UGT1A5: variants seen among roughly 807,000 people sequenced by gnomAD.
UGT1A5 encodes the protein UDP-glucuronosyltransferase 1A5.
In UGT1A5, 29 loss-of-function variants were observed where a neutral mutation model predicts 40.3. That is an observed-to-expected ratio of 0.72 (90% CI 0.54 to 0.98). The LOEUF (loss-of-function observed/expected upper bound fraction) is 0.98, where lower values mean the gene tolerates loss of function less well. Ranked by LOEUF, UGT1A5 falls within the 50% of genes least tolerant of loss-of-function variation. UGT1A5 has a pLI of 0.00. For missense variants in UGT1A5, 678 were observed against 677.9 expected (o/e 1.00, Z 0.00); for synonymous variants, 257 against 262.5 (o/e 0.98, Z 0.20).
At chr2:233,730,016 A>C in intron 1 of UGT1A5, 1 of 1,613,836 alleles carries the variant, frequency 6.2e-7, no homozygotes. Context: ...GCCTTCATCC[A>C]ATCAATGTTC....
At chr2:233,760,151 C>T (rs1697328839) in intron 1 of UGT1A5, 1 of 1,476,036 alleles carries the variant, frequency 6.8e-7, no homozygotes, top group South Asian at 1.3e-5. Flanking sequence ...AAGTGAACTC[C>T]CTGCTACCTT....
chr2:233,723,516 CTTTTTTTTT>C (rs1162916866), intron 1 of UGT1A5, among the ~76,000 whole-genome samples: 2 of 85,406 alleles, frequency 2.3e-5, no homozygotes, highest in East Asian at 3.2e-4. Context: ...GGTCAACAAT[CTTTTTTTTT>C]TTTTTTTTTT....
At chr2:233,715,195 A>G (rs1327063054) in intron 1 of UGT1A5, among the ~76,000 whole-genome samples, 4 of 152,188 alleles carry the variant, frequency 2.6e-5, no homozygotes, top group South Asian at 2.1e-4. Context: ...CAATTTTTCT[A>G]TCTTTTAAAA....
In UGT1A5 at chr2:233,772,749, G is replaced by T. The variant is rs901299936; in HGVS notation, c.*190G>T. The T allele has an allele frequency of 1.4e-6, 2 of 1,420,114 alleles. No individual in the cohort carries two copies. The highest frequency in any genetic ancestry group is 1.8e-6 in the Non-Finnish European group (2 of 1,083,638). The allele number at this position is 1,420,114 out of a possible 1,614,324, so 88.0% of individuals were successfully genotyped here. A position where few individuals can be genotyped will look rare whatever the true frequency, so the allele number is the denominator to read the frequency against. On this transcript the variant is annotated 3_prime_UTR_variant, in exon 5 of 5. Coordinates refer to ENST00000373414, the MANE Select transcript of UGT1A5 (RefSeq NM_019078.2). ...GACTCGCTAGTCAGTAAAGATATTTGAATATGTATCGTGCCCCCTCTGGTG... is the reference window on the plus strand; with the variant it reads ...GACTCGCTAGTCAGTAAAGATATTTTAATATGTATCGTGCCCCCTCTGGTG...
chr2:233,729,412 C>T, intron 1 of UGT1A5: 2 of 1,613,700 alleles, frequency 1.2e-6, no homozygotes, highest in Non-Finnish European at 1.7e-6. Flanking sequence ...TGTGCTGGGC[C>T]ACACTCAACT....
chr2:233,772,622 C>A lies in UGT1A5; in HGVS notation c.*63C>A, dbSNP rs894885863. 5 of 1,567,432 alleles carry A rather than the reference C, an allele frequency of 3.2e-6. No homozygotes were observed. The highest frequency in any genetic ancestry group is 3.5e-6 in the Non-Finnish European group (4 of 1,155,382). ...CCCTAGTCATTTCCAAACTTGAAAA[C>A]AGAATCAGTGTTAAATTCATTTTAT... On this transcript the variant is annotated 3_prime_UTR_variant, in exon 5 of 5. Transcript: ENST00000373414.
intron 1 of UGT1A5, among the ~76,000 whole-genome samples, chr2:233,765,617 G>T (rs988431612): frequency 1.3e-5 from 2 of 151,904 alleles, no homozygotes; most frequent in African/African-American, 4.8e-5. Flanking sequence ...GGGGTGAGGG[G>T]TGAGGGGAGG....
chr2:233,757,312 G>A (rs1288195448), intron 1 of UGT1A5, among the ~76,000 whole-genome samples: 1 of 141,206 alleles, frequency 7.1e-6, no homozygotes, highest in Non-Finnish European at 1.5e-5. Context: ...GGACAGGGGG[G>A]CTGGGGCCCT....
At chr2:233,765,895 T>C (rs988320482) in intron 1 of UGT1A5, among the ~76,000 whole-genome samples, 1 of 152,066 alleles carries the variant, frequency 6.6e-6, no homozygotes, top group Non-Finnish European at 1.5e-5. Flanking sequence ...AGTGCGCCAC[T>C]GCTCAAACCT....
At chr2:233,715,608 C>T (rs944774331) in intron 1 of UGT1A5, among the ~76,000 whole-genome samples, 2 of 151,816 alleles carry the variant, frequency 1.3e-5, no homozygotes, top group Non-Finnish European at 2.9e-5. Flanking sequence ...TCCATCTCTA[C>T]AAAAAATTAA....
chr2:233,760,575 G>C, intron 1 of UGT1A5: 1 of 1,614,226 alleles, frequency 6.2e-7, no homozygotes. Flanking sequence ...TTAGTCTCGG[G>C]CATAATGTTT....
chr2:233,755,312 G>C (rs976147893), intron 1 of UGT1A5: 6 of 551,356 alleles, frequency 1.1e-5, no homozygotes, highest in Middle Eastern at 4.3e-4. Flanking sequence ...CACAGCGAGC[G>C]GCAAGGCTGC....
At chr2:233,766,924 A>T (rs985684086) in intron 1 of UGT1A5, 110 bp from the exon 2 acceptor site, 2 of 1,565,450 alleles carry the variant, frequency 1.3e-6, no homozygotes, top group East Asian at 4.5e-5. Context: ...TCAAACACGC[A>T]TGCCTTTAAT....
intron 1 of UGT1A5, chr2:233,743,329 A>G: frequency 4.0e-6 from 3 of 753,958 alleles, no homozygotes; most frequent in East Asian, 1.3e-4. Context: ...ACCATCAACT[A>G]TTTCAGTGGA....
Position 233,725,052 on chromosome 2 carries a change from C to T in UGT1A5, c.867+11194C>T, listed in dbSNP as rs575446926. ...CTCCACCAAAACCAGTCAGGCGTGG[C>T]GGCGCGCGCCTGCAATCGCAGGCAC... On this transcript the variant is annotated intron_variant, in intron 1 of 4. Coordinates refer to ENST00000373414, the MANE Select transcript of UGT1A5 (RefSeq NM_019078.2). Among the ~76,000 whole-genome samples the T allele has an allele frequency of 7.1e-4, 105 of 147,652 alleles. 7 individuals are homozygous for T. The highest frequency in any genetic ancestry group is 1.2e-3 in the Non-Finnish European group (79 of 67,134).
chr2:233,772,145 G>A, intron 4 of UGT1A5, 117 bp from the exon 5 acceptor site: 1 of 1,552,040 alleles, frequency 6.4e-7, no homozygotes, highest in Non-Finnish European at 8.7e-7. Flanking sequence ...AATAGAAACA[G>A]GTTTCCTTTC....
intron 1 of UGT1A5, among the ~76,000 whole-genome samples, chr2:233,725,051 G>A: frequency 6.8e-6 from 1 of 147,840 alleles, no homozygotes; most frequent in East Asian, 2.1e-4. Flanking sequence ...GTCAGGCGTG[G>A]CGGCGCGCGC....
intron 1 of UGT1A5, chr2:233,755,020 T>G (rs552495015): frequency 7.7e-7 from 1 of 1,304,796 alleles, no homozygotes; most frequent in African/African-American, 1.5e-5. Context: ...AAGGGGTCCT[T>G]GAAGGGCCTG....
intron 1 of UGT1A5, among the ~76,000 whole-genome samples, chr2:233,753,010 T>G (rs1329149459): frequency 6.6e-6 from 1 of 151,864 alleles, no homozygotes; most frequent in Admixed American, 6.6e-5. Context: ...CTACCCAGAG[T>G]GGTGATTTAC....
Sources: gnomAD v4.1 joint callset for allele counts (sites outside exome capture counted in the v4.1 genomes callset) on GRCh38, gnomAD v4.1.1 for gene constraint, MANE v1.5 for transcripts, NCBI Gene and HGNC (gene_info 2026-07-23, HGNC 2026-07-21) for gene names.